NHSL1: variants seen among roughly 807,000 people sequenced by gnomAD.
NHSL1 encodes NHS-like protein 1.
NHSL1 carries 48 observed loss-of-function variants against 95.0 expected under a neutral mutation model. That is an observed-to-expected ratio of 0.51 (90% CI 0.40 to 0.64). The LOEUF is 0.64. NHSL1 is among the 30% of genes least tolerant of loss of function. The pLI is 0.00. For missense variants in NHSL1, 1,971 were observed against 2,077.7 expected, an observed-to-expected ratio of 0.95 and a Z score of 1.00; for synonymous variants, 783 against 833.9, an observed-to-expected ratio of 0.94 and a Z score of 1.05.
chr6:138,627,266 A>T (rs1784752698), intron 1 of NHSL1, among the ~76,000 whole-genome samples: 2 of 152,240 alleles, frequency 1.3e-5, no homozygotes, highest in South Asian at 4.1e-4. Context: ...TCAAGAAACC[A>T]CTGCTTTTGG....
chr6:138,575,236 C>T (rs993189637), upstream of NHSL1, among the ~76,000 whole-genome samples: 5 of 152,092 alleles, frequency 3.3e-5, no homozygotes, highest in Non-Finnish European at 4.4e-5. Context: ...TGCTGTTGAG[C>T]GCTTTCCTCA....
chr6:138,535,979 C>T (rs577860310), intron 1 of NHSL1, among the ~76,000 whole-genome samples: 22 of 152,128 alleles, frequency 1.4e-4, no homozygotes, highest in African/African-American at 4.8e-4. Context: ...GGGGGGCCAA[C>T]GTCAAGCAAG....
rs1775735539 is a variant in NHSL1 at position 138,432,179 on chromosome 6, C to CT, written c.2165dup (p.Ser723GlufsTer5). On this transcript the variant is annotated frameshift_variant, in exon 6 of 8. Coordinates refer to ENST00000343505, the MANE Select transcript of NHSL1 (RefSeq NM_001144060.2). LOFTEE classifies it high-confidence loss of function. This position sits in a 1 kb window ranked among gnomAD's most constrained non-coding sequence, Gnocchi z 4.4. ...GCTCTTCCAAGTCACTGCAGGGGCT[C>CT]TGGGAGGGCGAGCTGCCACTCTTGC... is the stretch of plus-strand genomic sequence containing the variant. 1 of 1,547,000 alleles carries CT rather than the reference C, an allele frequency of 6.5e-7. No homozygotes were observed. The highest frequency in any genetic ancestry group is 2.0e-5 in the Admixed American group (1 of 50,724).
Position 138,432,899 on chromosome 6 carries a change from G to A in NHSL1, c.1446C>T (p.Asp482=), listed in dbSNP as rs891842029. The A allele has an allele frequency of 8.4e-6, 13 of 1,551,644 alleles. No homozygotes were observed. Among genetic ancestry groups the A allele is most frequent in the African/African-American group, 1.4e-5 (1 of 73,166 alleles). The change falls in exon 6 of 8, where the codon GAC becomes GAT. Residue 482 remains aspartate (D), a synonymous_variant. Transcript: ENST00000343505. The surrounding 1 kb of genome is among the most constrained non-coding windows in gnomAD (Gnocchi z 4.4). The part of the protein sequence containing the change: ...NEGHATILSQ[D]LDPHSPGEPA... The stretch of plus-strand genomic sequence containing the variant: ...GTTCACCAGGGGAATGAGGGTCTAA[G>A]TCCTGTGAAAGAATGGTGGCATGGC...
chr6:138,435,156 A>AT (rs1775991783), intron 5 of NHSL1: 1 of 154,602 alleles, frequency 6.5e-6, no homozygotes, highest in African/African-American at 2.4e-5. Context: ...GAAGTGCAAA[A>AT]TTTTGCCATT....
chr6:138,542,992 G>A (rs1782641075), intron 1 of NHSL1, among the ~76,000 whole-genome samples: 1 of 152,090 alleles, frequency 6.6e-6, no homozygotes, highest in African/African-American at 2.4e-5. Context: ...CCGAACTCAG[G>A]GCCTCAAGTG....
chr6:138,480,513 C>A (rs12662028), intron 2 of NHSL1, among the ~76,000 whole-genome samples: 8,395 of 152,186 alleles, frequency 0.055, 644 homozygotes, highest in East Asian at 0.29. Context: ...GTCATTTTTC[C>A]GGTCATGGGT....
intron 1 of NHSL1, among the ~76,000 whole-genome samples, chr6:138,596,760 T>C (rs184742524): frequency 0.015 from 2,343 of 151,938 alleles, 25 homozygotes; most frequent in Non-Finnish European, 0.026. Context: ...CCACATTCAA[T>C]TGGCGGGGGT....
intron 1 of NHSL1, among the ~76,000 whole-genome samples, chr6:138,539,891 G>C (rs574993473): frequency 7.0e-4 from 107 of 152,272 alleles, no homozygotes; most frequent in Middle Eastern, 6.8e-3. Flanking sequence ...TGGTAATCTG[G>C]CTTCTACTGC....
intron 1 of NHSL1, among the ~76,000 whole-genome samples, chr6:138,514,531 G>A (rs1310172392): frequency 6.6e-6 from 1 of 152,108 alleles, no homozygotes; most frequent in Non-Finnish European, 1.5e-5. Flanking sequence ...CACAGTAAGA[G>A]ATTAACAATA....
At chr6:138,630,926 G>A (rs761601120) in intron 1 of NHSL1, among the ~76,000 whole-genome samples, 5 of 152,162 alleles carry the variant, frequency 3.3e-5, no homozygotes, top group Admixed American at 6.5e-5. Context: ...AGCACCCACA[G>A]TACCTGGTTT....
At chr6:138,495,836 G>T (rs959222807) in intron 2 of NHSL1, among the ~76,000 whole-genome samples, 1 of 152,176 alleles carries the variant, frequency 6.6e-6, no homozygotes, top group Non-Finnish European at 1.5e-5. Context: ...AAGGTGAAAG[G>T]CACGTCTTAT....
chr6:138,582,682 T>C (rs1784079624), intron 1 of NHSL1, among the ~76,000 whole-genome samples: 1 of 152,196 alleles, frequency 6.6e-6, no homozygotes, highest in Non-Finnish European at 1.5e-5. Flanking sequence ...TGCCATGCCC[T>C]GGGAACTGGG....
At chr6:138,568,834 T>C (rs969848845) in intron 1 of NHSL1, among the ~76,000 whole-genome samples, 3 of 152,200 alleles carry the variant, frequency 2.0e-5, no homozygotes, top group African/African-American at 7.2e-5. Context: ...TTATCCCTAG[T>C]TTCTTGACAT....
At chr6:138,499,505 T>C, upstream of NHSL1, 1 of 1,086,712 alleles carries the variant, frequency 9.2e-7, no homozygotes, top group Non-Finnish European at 1.2e-6. Context: ...GAAAAACTCC[T>C]ACTGAAACCT....
chr6:138,585,019 C>G (rs539051127), intron 1 of NHSL1, among the ~76,000 whole-genome samples: 7 of 152,308 alleles, frequency 4.6e-5, no homozygotes, highest in African/African-American at 1.7e-4. Context: ...TGAACCCCGG[C>G]ATGCTACAGA....
intron 1 of NHSL1, among the ~76,000 whole-genome samples, chr6:138,591,909 CAT>C (rs1200467102): frequency 6.6e-6 from 1 of 152,180 alleles, no homozygotes; most frequent in Non-Finnish European, 1.5e-5. Flanking sequence ...ATTGGAAAAA[CAT>C]AATGTATCTA....
intron 1 of NHSL1, among the ~76,000 whole-genome samples, chr6:138,674,250 C>T (rs2082214451): frequency 1.3e-5 from 2 of 150,890 alleles, no homozygotes; most frequent in Admixed American, 6.6e-5. Context: ...GTATTGAATG[C>T]TCTTTCTGCA....
intron 1 of NHSL1, among the ~76,000 whole-genome samples, chr6:138,611,073 C>T (rs1784506151): frequency 6.8e-6 from 1 of 147,696 alleles, no homozygotes. Flanking sequence ...GAGACTGTCT[C>T]CAAAAAAAAA....
Sources: allele counts gnomAD v4.1 joint callset (sites outside exome capture counted in the v4.1 genomes callset), GRCh38; gene constraint gnomAD v4.1.1; non-coding constraint Gnocchi (gnomAD v3.1); transcripts MANE v1.5; gene names NCBI Gene and HGNC (gene_info 2026-07-23, HGNC 2026-07-21).